The following BTF3L4 variants were observed in gnomAD, a reference collection of about 807,000 sequenced individuals.
The protein encoded by BTF3L4 is transcription factor BTF3 homolog 4.
In BTF3L4, 6 loss-of-function variants were observed where a neutral mutation model predicts 16.8. That is an observed-to-expected ratio of 0.36 (90% confidence interval 0.20 to 0.71). The LOEUF (loss-of-function observed/expected upper bound fraction) is 0.71. BTF3L4 is among the 30% of genes least tolerant of loss of function. The probability of loss-of-function intolerance (pLI) is 0.58; values close to 1 mark genes in which losing one functional copy is unlikely to be tolerated. For missense variants in BTF3L4, 92 were observed against 186.9 expected, an observed-to-expected ratio of 0.49 and a Z score of 2.96; for synonymous variants, 39 against 59.8, an observed-to-expected ratio of 0.65 and a Z score of 1.60.
chr1:52,063,111 G>A (rs1453638861), intron 2 of BTF3L4, among the ~76,000 whole-genome samples: 1 of 152,070 alleles, frequency 6.6e-6, no homozygotes, highest in East Asian at 1.9e-4. Context: ...CTATTATATG[G>A]GATACAAATT....
chr1:52,074,551 C>T (rs551505750), intron 3 of BTF3L4, among the ~76,000 whole-genome samples: 14 of 152,068 alleles, frequency 9.2e-5, no homozygotes, highest in Non-Finnish European at 1.6e-4. Context: ...TTAGTAGAGA[C>T]GGGTTTCTCC....
At chr1:52,076,632 C>T (rs998211987) in intron 3 of BTF3L4, among the ~76,000 whole-genome samples, 2 of 151,674 alleles carry the variant, frequency 1.3e-5, no homozygotes, top group Non-Finnish European at 2.9e-5. Context: ...TCAGACTTGT[C>T]ACCAGAGAAT....
chr1:52,068,002 G>GA (rs57859376), intron 3 of BTF3L4, among the ~76,000 whole-genome samples: 140,076 of 151,960 alleles, frequency 0.92, 65,419 homozygotes, highest in Non-Finnish European at 1. Context: ...CTTTAGAGAG[G>GA]AAAAAAAATT....
In BTF3L4 at chr1:52,088,322, C is replaced by T. The variant is rs866423912; in HGVS notation, c.*1564C>T. 3.9e-4 allele frequency: 59 copies of T among 152,324 alleles called. No homozygotes were observed. The highest frequency in any genetic ancestry group is 1.4e-3 in the African/African-American group (59 of 41,410). The allele number at this position is 152,324 out of a possible 1,614,324, so 9.4% of individuals were successfully genotyped here. ...AACACCTCAATTTATTTTATAAATT[C>T]GTTCATTTTTCCTGTTATGTTTTAT... On this transcript the variant is annotated 3_prime_UTR_variant, in exon 6 of 6. Transcript: ENST00000313334.
At chr1:52,071,929 C>CCGTG (rs1491187855) in intron 3 of BTF3L4, among the ~76,000 whole-genome samples, 2 of 78,950 alleles carry the variant, frequency 2.5e-5, no homozygotes, top group African/African-American at 9.7e-5. Flanking sequence ...TTGTTTTTTA[C>CCGTG]TCTGTGTGTG....
rs1314814601 is a variant in BTF3L4, at chr1:52,087,908, A to G, written c.*1150A>G. The G allele has an allele frequency of 1.3e-5, 2 of 152,518 alleles. No homozygotes were observed. The highest frequency in any genetic ancestry group is 1.3e-4 in the Admixed American group (2 of 15,246). 9.4% of individuals were successfully genotyped at this position (152,518 alleles called of 1,614,324 possible). A position where few individuals can be genotyped will look rare whatever the true frequency, so the allele number is the denominator to read the frequency against. On this transcript the variant is annotated 3_prime_UTR_variant, in exon 6 of 6. Transcript: ENST00000313334. The stretch of plus-strand genomic sequence containing the variant: ...GGCCTTGAACCTACCTCTGGGTTGG[A>G]TCTTACTATTGTAGCTGCTCACTAT...
chr1:52,085,380 G>GT (rs538521006), intron 4 of BTF3L4, among the ~76,000 whole-genome samples: 1,572 of 131,590 alleles, frequency 0.012, 24 homozygotes, highest in African/African-American at 0.036. Context: ...TTTTTGTTTT[G>GT]TTTTTTTTTT....
chr1:52,079,856 CTTTT>C (rs1259178043), intron 3 of BTF3L4, among the ~76,000 whole-genome samples: 1 of 130,926 alleles, frequency 7.6e-6, no homozygotes, highest in Non-Finnish European at 1.6e-5. Flanking sequence ...ATGGAATTTT[CTTTT>C]TCTTTTCTTT....
At chr1:52,056,751 C>T (rs1686370467) in intron 1 of BTF3L4, among the ~76,000 whole-genome samples, 1 of 152,254 alleles carries the variant, frequency 6.6e-6, no homozygotes, top group Non-Finnish European at 1.5e-5. Flanking sequence ...TTGATGCTCC[C>T]AGTCTACAGA....
intron 4 of BTF3L4, among the ~76,000 whole-genome samples, 184 bp downstream of exon 4, chr1:52,083,725 T>C (rs1222723158): frequency 6.6e-6 from 1 of 152,070 alleles, no homozygotes; most frequent in East Asian, 1.9e-4. Flanking sequence ...ACATATAGAA[T>C]ATTCAGAAAC....
intron 2 of BTF3L4, among the ~76,000 whole-genome samples, chr1:52,064,065 A>T (rs536628349): frequency 9.2e-5 from 14 of 152,184 alleles, no homozygotes; most frequent in Admixed American, 7.9e-4. Flanking sequence ...GTCCTTGCCT[A>T]TCTTTCTGAT....
chr1:52,059,398 A>C (rs1319431108), intron 1 of BTF3L4, among the ~76,000 whole-genome samples: 1 of 152,154 alleles, frequency 6.6e-6, no homozygotes, highest in African/African-American at 2.4e-5. Flanking sequence ...AGAAATACAG[A>C]ATGTGATTTG....
rs368632934 is a variant in BTF3L4 at position 52,064,926 on chromosome 1, T to C, written c.156T>C (p.Ala52=). The part of the protein sequence containing the change: ...SLKKLAVNNI[A]GIEEVNMIKD... ...AAAAACTGGCTGTGAATAATATAGC[T>C]GGTATTGAAGAGGTATGATCACTTT... The change falls in exon 3 of 6, where the codon GCT becomes GCC. Residue 52 remains alanine (A), a synonymous_variant. Coordinates refer to ENST00000313334, the MANE Select transcript of BTF3L4 (RefSeq NM_152265.5). The C allele has an allele frequency of 7.5e-6, 12 of 1,607,750 alleles. No individual in the cohort carries two copies. Among genetic ancestry groups the C allele is most frequent in the Non-Finnish European group, 1.0e-5 (12 of 1,174,980 alleles).
chr1:52,078,313 T>C (rs1686984216), intron 3 of BTF3L4, among the ~76,000 whole-genome samples: 1 of 150,924 alleles, frequency 6.6e-6, no homozygotes, highest in African/African-American at 2.4e-5. Flanking sequence ...GCCTCCTGCC[T>C]CAGTTTCCCT....
chr1:52,074,476 G>C (rs1686878838), intron 3 of BTF3L4, among the ~76,000 whole-genome samples: 1 of 151,884 alleles, frequency 6.6e-6, no homozygotes, highest in Non-Finnish European at 1.5e-5. Context: ...CGATTCTCCT[G>C]CCTCAGCCTC....
rs1055684532 is a variant in BTF3L4, at chr1:52,089,735, T to G, written c.*2977T>G. ...TTTGTTCTTTGTAAAGCGCCTTATC[T>G]GTTTTGGACAAGTCCAAAGTAAATG... On this transcript the variant is annotated 3_prime_UTR_variant, in exon 6 of 6. Coordinates refer to ENST00000313334, the MANE Select transcript of BTF3L4 (RefSeq NM_152265.5). The G allele has an allele frequency of 6.6e-6, 1 of 152,204 alleles. No individual in the cohort carries two copies. The highest frequency in any genetic ancestry group is 1.9e-4 in the East Asian group (1 of 5,206). 9.4% of individuals were successfully genotyped at this position (152,204 alleles called of 1,614,324 possible). A position where few individuals can be genotyped will look rare whatever the true frequency, so the allele number is the denominator to read the frequency against.
At chr1:52,073,256 C>G (rs1686838833) in intron 3 of BTF3L4, among the ~76,000 whole-genome samples, 1 of 151,964 alleles carries the variant, frequency 6.6e-6, no homozygotes, top group Admixed American at 6.6e-5. Context: ...TGCACTCCAA[C>G]CTCGGCAACA....
In BTF3L4 at chr1:52,080,519, G is replaced by GT. The variant is rs753783341; in HGVS notation, c.169-2789dup. Among the ~76,000 whole-genome samples, 95 of 70,248 alleles carry GT rather than the reference G, an allele frequency of 1.4e-3. 2 individuals are homozygous for GT. The highest frequency in any genetic ancestry group is 8.5e-3 in the East Asian group (17 of 2,010). The allele number at this position is 70,248 out of a possible 152,430, so 46.1% of individuals were successfully genotyped here. A position where few individuals can be genotyped will look rare whatever the true frequency, so the allele number is the denominator to read the frequency against. On this transcript the variant is annotated intron_variant, in intron 3 of 5. Coordinates refer to ENST00000313334, the MANE Select transcript of BTF3L4 (RefSeq NM_152265.5). ...ATTTTAGAAATCTTTGGTTTTTTGGGTTTTTTTTTTTTTTTTTTTTTTTTT... is the reference window on the plus strand; with the variant it reads ...ATTTTAGAAATCTTTGGTTTTTTGGGTTTTTTTTTTTTTTTTTTTTTTTTTT...
Position 52,089,893 on chromosome 1 carries a change from T to C in BTF3L4, c.*3135T>C, listed in dbSNP as rs1644004241. The C allele has an allele frequency of 6.6e-6, 1 of 152,244 alleles. No homozygotes were observed. Among genetic ancestry groups the C allele is most frequent in the African/African-American group, 2.4e-5 (1 of 41,464 alleles). 9.4% of individuals were successfully genotyped at this position (152,244 alleles called of 1,614,324 possible). On this transcript the variant is annotated 3_prime_UTR_variant, in exon 6 of 6. Transcript: ENST00000313334. ...CATTAAATTCACTTTAATAAGCCTA[T>C]GAAGTTCTTATGAAAAACCCATATC...
Sources: gnomAD v4.1 joint callset for allele counts (sites outside exome capture counted in the v4.1 genomes callset) on GRCh38, gnomAD v4.1.1 for gene constraint, MANE v1.5 for transcripts, NCBI Gene and HGNC (gene_info 2026-07-23, HGNC 2026-07-21) for gene names.